UBXN10: variants seen among roughly 807,000 people sequenced by gnomAD.
UBXN10 encodes the protein UBX domain-containing protein 10.
In UBXN10, 6 loss-of-function variants were observed where a neutral mutation model predicts 6.9. The ratio of observed to expected loss-of-function variants is 0.87; its 90% CI spans 0.48 to 1.72. The LOEUF is 1.72. Among genes scored for constraint, UBXN10 ranks in the 40% most tolerant of loss-of-function variants. UBXN10 has a pLI of 0.01. For synonymous variants in UBXN10, 131 were observed against 135.2 expected (o/e 0.97, Z 0.21); for missense variants, 317 against 348.4 (o/e 0.91, Z 0.72).
In UBXN10 at chr1:20,191,673, C is replaced by T; in HGVS notation, c.*269C>T. ...AGGTTGTTCCTGAAACAGCAGTGAT[C>T]ATGACTTCTCCTTTCCAGAGTTTTG... is the stretch of plus-strand genomic sequence containing the variant. On this transcript the variant is annotated 3_prime_UTR_variant, in exon 2 of 2. Coordinates refer to ENST00000375099, the MANE Select transcript of UBXN10 (RefSeq NM_152376.5). The surrounding 1 kb of genome is among the most constrained non-coding windows in gnomAD (Gnocchi z 4.5). 1 of 423,256 alleles carries T rather than the reference C, an allele frequency of 2.4e-6. No individual in the cohort carries two copies. Among genetic ancestry groups the T allele is most frequent in the Non-Finnish European group, 4.3e-6 (1 of 230,546 alleles). The allele number at this position is 423,256 out of a possible 1,614,324, so 26.2% of individuals were successfully genotyped here.
At chr1:20,188,434 G>A (rs564184902) in intron 1 of UBXN10, among the ~76,000 whole-genome samples, 49 of 152,296 alleles carry the variant, frequency 3.2e-4, no homozygotes, top group Middle Eastern at 6.8e-3. Context: ...AATGTGTTGC[G>A]TTTGGTCCTG....
upstream of UBXN10, among the ~76,000 whole-genome samples, chr1:20,185,874 C>T (rs1054511906): frequency 1.2e-4 from 19 of 152,198 alleles, no homozygotes; most frequent in Admixed American, 7.2e-4. Flanking sequence ...GAGGCGGTGA[C>T]GCTAGGAAGA....
rs1031033517 is a variant in UBXN10, at chr1:20,195,329, G to C, written c.*3925G>C. 6.0e-6 allele frequency: 1 copy of C among 167,206 alleles called. No homozygotes were observed. The allele number at this position is 167,206 out of a possible 1,614,324, so 10.4% of individuals were successfully genotyped here. A position where few individuals can be genotyped will look rare whatever the true frequency, so the allele number is the denominator to read the frequency against. On this transcript the variant is annotated 3_prime_UTR_variant, in exon 2 of 2. Transcript: ENST00000375099. ...AATGCCCACGGGTAAAACTGAGCAAGCCTCATTCAGACTGTCCTGCTCAGA... is the reference window on the plus strand; with the variant it reads ...AATGCCCACGGGTAAAACTGAGCAACCCTCATTCAGACTGTCCTGCTCAGA...
chr1:20,185,203 T>C (rs1228980208), upstream of UBXN10, among the ~76,000 whole-genome samples: 1 of 152,120 alleles, frequency 6.6e-6, no homozygotes, highest in Non-Finnish European at 1.5e-5. Context: ...GGGATGGAAG[T>C]GCAGGGCTGA....
At position 20,190,887 on chromosome 1, in the gene UBXN10, C is replaced by T; in HGVS notation, c.326C>T (p.Ser109Phe). ...CAGCAAGTACCCACTGGGGCTTCCT[C>T]TTCTCTCAATAAGTATCCAGTCCTT... ...LQQQVPTGAS[S>F]SLNKYPVLPS... Residue 109 changes from serine to phenylalanine, a missense_variant, in exon 2 of 2, where the codon TCT becomes TTT. Ser to Phe is a radical substitution (Grantham distance 155). Transcript: ENST00000375099. 1 of 1,614,088 alleles carries T rather than the reference C, an allele frequency of 6.2e-7. No homozygotes were observed. Among genetic ancestry groups the T allele is most frequent in the South Asian group, 1.1e-5 (1 of 91,076 alleles).
chr1:20,194,580 A>T lies in UBXN10; in HGVS notation c.*3176A>T, dbSNP rs2018569181. The T allele has an allele frequency of 6.0e-6, 1 of 167,100 alleles. No homozygotes were observed. Among genetic ancestry groups the T allele is most frequent in the East Asian group, 1.9e-4 (1 of 5,206 alleles). 10.4% of individuals were successfully genotyped at this position (167,100 alleles called of 1,614,324 possible). A position where few individuals can be genotyped will look rare whatever the true frequency, so the allele number is the denominator to read the frequency against. ...TAATAACCTTAAAGACTAGAGCCAG[A>T]TCCACCTGCATTACAAAAGCAGGCA... is the stretch of plus-strand genomic sequence containing the variant. On this transcript the variant is annotated 3_prime_UTR_variant, in exon 2 of 2. Coordinates refer to ENST00000375099, the MANE Select transcript of UBXN10 (RefSeq NM_152376.5).
At chr1:20,185,446 G>A (rs1465363784), upstream of UBXN10, among the ~76,000 whole-genome samples, 1 of 152,174 alleles carries the variant, frequency 6.6e-6, no homozygotes. Flanking sequence ...CAATGGACAG[G>A]AAACCCAAAG....
upstream of UBXN10, chr1:20,184,191 G>GCACATGCA (rs1553184772): frequency 2.1e-5 from 2 of 95,414 alleles, no homozygotes; most frequent in South Asian, 3.3e-4. Context: ...GCGTGCGTGC[G>GCACATGCA]CACACGCACA....
chr1:20,186,910 G>C (rs1364040928), intron 1 of UBXN10, among the ~76,000 whole-genome samples: 2 of 151,098 alleles, frequency 1.3e-5, no homozygotes, highest in African/African-American at 4.9e-5. Flanking sequence ...TGGGGGGGGC[G>C]GGATGGCAAC....
Position 20,191,542 on chromosome 1 carries a change from C to CTTCAGAGGACACGCA in UBXN10, c.*138_*139insTTCAGAGGACACGCA. On this transcript the variant is annotated 3_prime_UTR_variant, in exon 2 of 2. Coordinates refer to ENST00000375099, the MANE Select transcript of UBXN10 (RefSeq NM_152376.5). The surrounding 1 kb of genome is among the most constrained non-coding windows in gnomAD (Gnocchi z 4.5). The stretch of plus-strand genomic sequence containing the variant: ...AAGCTTGGGACTCTCGTCTGCACTG[C>CTTCAGAGGACACGCA]GTGTCCTCTGAAGCAGTGAAGTCTG... The CTTCAGAGGACACGCA allele has an allele frequency of 1.5e-6, 2 of 1,340,134 alleles. No homozygotes were observed. The highest frequency in any genetic ancestry group is 2.0e-6 in the Non-Finnish European group (2 of 987,352). The allele number at this position is 1,340,134 out of a possible 1,614,324, so 83.0% of individuals were successfully genotyped here.
In UBXN10 at chr1:20,191,234, G is replaced by T; in HGVS notation, c.673G>T (p.Val225Phe). 2 of 1,614,192 alleles carry T rather than the reference G, an allele frequency of 1.2e-6. No homozygotes were observed. The highest frequency in any genetic ancestry group is 1.7e-6 in the Non-Finnish European group (2 of 1,180,044). ...FRPTDDLQTI[V>F]AVAEQKNKTS... Reference sequence around the variant, plus strand: ...GCCAACAGATGATTTGCAAACCATTGTTGCTGTGGCCGAACAGAAAAACAA... The same window carrying T: ...GCCAACAGATGATTTGCAAACCATTTTTGCTGTGGCCGAACAGAAAAACAA... Residue 225 changes from valine to phenylalanine, a missense_variant, in exon 2 of 2, where the codon GTT becomes TTT. By Grantham distance (50) the Val-to-Phe change is conservative. Transcript: ENST00000375099. The surrounding 1 kb of genome is among the most constrained non-coding windows in gnomAD (Gnocchi z 4.5).
chr1:20,191,543 G>A lies in UBXN10; in HGVS notation c.*139G>A, dbSNP rs749367256. The A allele has an allele frequency of 1.2e-4, 163 of 1,328,088 alleles. No individual in the cohort carries two copies. Among genetic ancestry groups the A allele is most frequent in the Non-Finnish European group, 1.6e-4 (157 of 976,910 alleles). 82.3% of individuals were successfully genotyped at this position (1,328,088 alleles called of 1,614,324 possible). A position where few individuals can be genotyped will look rare whatever the true frequency, so the allele number is the denominator to read the frequency against. On this transcript the variant is annotated 3_prime_UTR_variant, in exon 2 of 2. Transcript: ENST00000375099. This position sits in a 1 kb window ranked among gnomAD's most constrained non-coding sequence, Gnocchi z 4.5. ...AGCTTGGGACTCTCGTCTGCACTGCGTGTCCTCTGAAGCAGTGAAGTCTGT... is the reference window on the plus strand; with the variant it reads ...AGCTTGGGACTCTCGTCTGCACTGCATGTCCTCTGAAGCAGTGAAGTCTGT...
chr1:20,190,783 G>T lies in UBXN10; in HGVS notation c.222G>T (p.Leu74Phe), dbSNP rs1054550076. 6 of 1,613,974 alleles carry T rather than the reference G, an allele frequency of 3.7e-6. No individual in the cohort carries two copies. Among genetic ancestry groups the T allele is most frequent in the Non-Finnish European group, 5.1e-6 (6 of 1,180,026 alleles). The change falls in exon 2 of 2, where the codon TTG becomes TTT. Residue 74 changes from leucine (L) to phenylalanine (F), a missense_variant. Transcript: ENST00000375099. ...PSPPPAIPYE[L>F]PSSQKPGACA... ...CGCCTCCAGCCATTCCCTATGAGTTGCCAAGCAGCCAAAAACCAGGAGCCT... is the reference window on the plus strand; with the variant it reads ...CGCCTCCAGCCATTCCCTATGAGTTTCCAAGCAGCCAAAAACCAGGAGCCT...
rs1557795845 is a variant in UBXN10 at position 20,193,876 on chromosome 1, T to G, written c.*2472T>G. On this transcript the variant is annotated 3_prime_UTR_variant, in exon 2 of 2. Transcript: ENST00000375099. Reference sequence around the variant, plus strand: ...CTGAGGCCCCCTGTCCTAAATGGGCTCAACCGGCCTAGCACACTCCTCTTG... The same window carrying G: ...CTGAGGCCCCCTGTCCTAAATGGGCGCAACCGGCCTAGCACACTCCTCTTG... 6.0e-6 allele frequency: 1 copy of G among 167,054 alleles called. No individual in the cohort carries two copies. Among genetic ancestry groups the G allele is most frequent in the Admixed American group, 6.5e-5 (1 of 15,280 alleles). 10.3% of individuals were successfully genotyped at this position (167,054 alleles called of 1,614,324 possible).
At position 20,195,985 on chromosome 1, in the gene UBXN10, T is replaced by G. The variant is rs1168316611; in HGVS notation, c.*4581T>G. Reference sequence around the variant, plus strand: ...CAGCAGCTGACTGGGGATGCATTTCTTCTTGGGAAGGCAAACAAAGCCATC... The same window carrying G: ...CAGCAGCTGACTGGGGATGCATTTCGTCTTGGGAAGGCAAACAAAGCCATC... On this transcript the variant is annotated 3_prime_UTR_variant, in exon 2 of 2. Transcript: ENST00000375099. 1.2e-5 allele frequency: 2 copies of G among 166,992 alleles called. No individual in the cohort carries two copies. Among genetic ancestry groups the G allele is most frequent in the African/African-American group, 4.8e-5 (2 of 41,458 alleles). The allele number at this position is 166,992 out of a possible 1,614,324, so 10.3% of individuals were successfully genotyped here.
upstream of UBXN10, among the ~76,000 whole-genome samples, chr1:20,185,855 A>G (rs1432410095): frequency 6.6e-6 from 1 of 152,144 alleles, no homozygotes. Context: ...TCTCCCCCAG[A>G]GAGAAACAGA....
chr1:20,190,465 GCA>G, intron 1 of UBXN10, 80 bp from the exon 2 acceptor site: 1 of 1,490,714 alleles, frequency 6.7e-7, no homozygotes, highest in Non-Finnish European at 8.9e-7. Context: ...CTTATTCTGG[GCA>G]CTCAGGGAGG....
chr1:20,186,997 T>C (rs2100731855), intron 1 of UBXN10, among the ~76,000 whole-genome samples: 1 of 152,312 alleles, frequency 6.6e-6, no homozygotes, highest in South Asian at 2.1e-4. Context: ...AGATGGTATG[T>C]AGGTGGTTAT....
chr1:20,186,907 G>C (rs192110457), intron 1 of UBXN10, among the ~76,000 whole-genome samples: 1 of 151,856 alleles, frequency 6.6e-6, no homozygotes, highest in Non-Finnish European at 1.5e-5. Flanking sequence ...GGTTGGGGGG[G>C]GCGGGATGGC....
Sources: gnomAD v4.1 joint callset for allele counts (sites outside exome capture counted in the v4.1 genomes callset) on GRCh38, gnomAD v4.1.1 for gene constraint, Gnocchi (gnomAD v3.1) non-coding constraint, MANE v1.5 for transcripts, NCBI Gene and HGNC (gene_info 2026-07-23, HGNC 2026-07-21) for gene names.